The following ZNF462 variants were observed in gnomAD, a reference collection of about 807,000 sequenced individuals.
ZNF462 encodes the protein zinc finger protein 462.
In ZNF462, 10 loss-of-function variants were observed where a neutral mutation model predicts 201.9. That is an observed-to-expected ratio of 0.05 (90% CI 0.03 to 0.08). The LOEUF (loss-of-function observed/expected upper bound fraction) is 0.08, where lower values mean the gene tolerates loss of function less well. Among genes scored for constraint, ZNF462 ranks in the 10% least tolerant of loss-of-function variants. The pLI is 1.00. For missense variants in ZNF462, 2,523 were observed against 3,168.3 expected, an observed-to-expected ratio of 0.80 and a Z score of 4.89; for synonymous variants, 1,227 against 1,193.3, an observed-to-expected ratio of 1.03 and a Z score of -0.58.
Position 106,927,181 on chromosome 9 carries a change from C to T in ZNF462, c.3269C>T (p.Ser1090Phe). The T allele has an allele frequency of 1.2e-6, 2 of 1,613,856 alleles. No individual in the cohort carries two copies. The highest frequency in any genetic ancestry group is 1.7e-6 in the Non-Finnish European group (2 of 1,179,972). The change falls in exon 3 of 13, where the codon TCT becomes TTT. Residue 1090 changes from serine to phenylalanine, a missense_variant. Physicochemically the swap from Ser to Phe is radical, Grantham distance 155. Transcript: ENST00000277225. ...TCATTTGAGGTGGGTGCTCCAATGT[C>T]TCCCAAAATGTCCAACATGGGTTCC... ...QLSFEVGAPM[S>F]PKMSNMGSPP...
At chr9:106,948,596 A>G (rs536234805) in intron 7 of ZNF462, among the ~76,000 whole-genome samples, 134 of 152,222 alleles carry the variant, frequency 8.8e-4, no homozygotes, top group African/African-American at 2.9e-3. Context: ...CTCTATTCAC[A>G]GTTTGTTGAA....
At chr9:106,936,682 TTG>T in intron 6 of ZNF462, among the ~76,000 whole-genome samples, 1 of 152,228 alleles carries the variant, frequency 6.6e-6, no homozygotes, top group East Asian at 1.9e-4. Context: ...GTTTTCTAAC[TTG>T]TGTATATTGT....
chr9:106,893,614 C>T (rs1050379184), intron 1 of ZNF462, among the ~76,000 whole-genome samples: 2 of 152,122 alleles, frequency 1.3e-5, no homozygotes, highest in Admixed American at 6.6e-5. Context: ...ACTAATATGT[C>T]GAAAGCAACA....
intron 1 of ZNF462, among the ~76,000 whole-genome samples, chr9:106,904,324 A>G (rs1453667960): frequency 6.6e-6 from 1 of 152,124 alleles, no homozygotes; most frequent in Non-Finnish European, 1.5e-5. Flanking sequence ...GTTTTCCTTT[A>G]TAGGTTACCT....
rs58112361 is a variant in ZNF462, at chr9:107,010,605, A to C, written c.7314-218A>C. The stretch of plus-strand genomic sequence containing the variant: ...AATAATGGATACTTCTGTAAGTTCA[A>C]ATCTTTAAGATACAGAAATATATGA... On this transcript the variant is annotated intron_variant, in intron 12 of 12. Transcript: ENST00000277225. This position sits in a 1 kb window ranked among gnomAD's most constrained non-coding sequence, Gnocchi z 4.6. Among the ~76,000 whole-genome samples, 1 of 152,130 alleles carries C rather than the reference A, an allele frequency of 6.6e-6. No homozygotes were observed. Among genetic ancestry groups the C allele is most frequent in the Non-Finnish European group, 1.5e-5 (1 of 68,034 alleles).
At chr9:106,898,461 G>GT (rs1057182528) in intron 1 of ZNF462, among the ~76,000 whole-genome samples, 3 of 152,186 alleles carry the variant, frequency 2.0e-5, no homozygotes, top group African/African-American at 7.2e-5. Flanking sequence ...CAGAGAGACA[G>GT]TTGAAGCACT....
At position 106,956,000 on chromosome 9, in the gene ZNF462, C is replaced by T. The variant is rs115407706; in HGVS notation, c.6428-16005C>T. ...CCATGAGAGTTGGAATCAACTTCTT[C>T]GACACTCCTGCTAATGTTGATATTT... On this transcript the variant is annotated intron_variant, in intron 7 of 12. Transcript: ENST00000277225. 1.5e-3 allele frequency among the ~76,000 whole-genome samples: 230 copies of T among 152,198 alleles called. 1 individual carries two copies. Among genetic ancestry groups the T allele is most frequent in the African/African-American group, 4.7e-3 (196 of 41,544 alleles).
At position 106,938,772 on chromosome 9, in the gene ZNF462, G is replaced by T; in HGVS notation, c.6236-144G>T. The T allele has an allele frequency of 1.3e-6, 1 of 760,726 alleles. No homozygotes were observed. Among genetic ancestry groups the T allele is most frequent in the Non-Finnish European group, 2.1e-6 (1 of 487,604 alleles). 47.1% of individuals were successfully genotyped at this position (760,726 alleles called of 1,614,324 possible). On this transcript the variant is annotated intron_variant, in intron 6 of 12. Transcript: ENST00000277225. This position sits in a 1 kb window ranked among gnomAD's most constrained non-coding sequence, Gnocchi z 4.4. ...AGTACTGTGGTTGTGGCAGGTTGTT[G>T]GTCTGTGAGGTTCGTTCATAGAACA...
intron 10 of ZNF462, among the ~76,000 whole-genome samples, chr9:106,985,205 AC>A: frequency 6.6e-6 from 1 of 152,280 alleles, no homozygotes; most frequent in South Asian, 2.1e-4. Flanking sequence ...ACAGTTGCCA[AC>A]CCCTGTTCTG....
chr9:106,921,121 T>C (rs1829972684), intron 1 of ZNF462, among the ~76,000 whole-genome samples: 1 of 152,024 alleles, frequency 6.6e-6, no homozygotes, highest in Admixed American at 6.5e-5. Flanking sequence ...TCGGATGGTA[T>C]GTCTTCTGTG....
Position 106,920,377 on chromosome 9 carries a change from G to A in ZNF462, c.-30-2977G>A, listed in dbSNP as rs755087321. On this transcript the variant is annotated intron_variant, in intron 1 of 12. Transcript: ENST00000277225. The surrounding 1 kb of genome is among the most constrained non-coding windows in gnomAD (Gnocchi z 4.3). ...CAACTTCTATTTTCTTCTTCTGTCA[G>A]CGTCTTCAGGAGAAATGTGTACACA... 1.8e-4 allele frequency among the ~76,000 whole-genome samples: 28 copies of A among 152,130 alleles called. No individual in the cohort carries two copies. Among genetic ancestry groups the A allele is most frequent in the Non-Finnish European group, 2.8e-4 (19 of 68,040 alleles).
chr9:106,892,595 T>C (rs1564080493), intron 1 of ZNF462, among the ~76,000 whole-genome samples: 3 of 152,114 alleles, frequency 2.0e-5, no homozygotes, highest in African/African-American at 7.2e-5. Flanking sequence ...GACAACTGCA[T>C]CAAGTCAGTT....
At chr9:106,940,556 T>C (rs1830823323) in intron 7 of ZNF462, among the ~76,000 whole-genome samples, 1 of 152,188 alleles carries the variant, frequency 6.6e-6, no homozygotes, top group Admixed American at 6.5e-5. Context: ...TTAAAAAATT[T>C]TTGAAGCTTG....
chr9:106,864,039 G>GCTCGCTCTCTCTCT, intron 1 of ZNF462, among the ~76,000 whole-genome samples: 1 of 22,760 alleles, frequency 4.4e-5, no homozygotes, highest in Non-Finnish European at 1.0e-4. Context: ...CAGGTATTTG[G>GCTCGCTCTCTCTCT]CTCTCTCTCT....
intron 7 of ZNF462, among the ~76,000 whole-genome samples, chr9:106,951,348 A>G (rs915045770): frequency 4.6e-5 from 7 of 152,206 alleles, no homozygotes; most frequent in Non-Finnish European, 7.4e-5. Flanking sequence ...TGTGTTGCCA[A>G]GAGCAGAATA....
chr9:106,955,761 CA>C (rs1215123353), intron 7 of ZNF462, among the ~76,000 whole-genome samples: 2 of 152,154 alleles, frequency 1.3e-5, no homozygotes, highest in African/African-American at 4.8e-5. Context: ...ACAGTGTTCG[CA>C]ACATCTTCAT....
intron 1 of ZNF462, among the ~76,000 whole-genome samples, chr9:106,921,879 G>A (rs930322849): frequency 2.0e-5 from 3 of 152,196 alleles, no homozygotes; most frequent in African/African-American, 7.2e-5. Flanking sequence ...AGACTTAGCT[G>A]AAAAGAGTCT....
At position 106,872,729 on chromosome 9, in the gene ZNF462, C is replaced by G. The variant is rs1298932328; in HGVS notation, c.-31+9374C>G. 6.6e-6 allele frequency among the ~76,000 whole-genome samples: 1 copy of G among 152,098 alleles called. No individual in the cohort carries two copies. Among genetic ancestry groups the G allele is most frequent in the African/African-American group, 2.4e-5 (1 of 41,418 alleles). ...CAAGAACTTCCCCCCTTTCTGCTGT[C>G]AATTGAATATTGTCTGTTCTAATAC... On this transcript the variant is annotated intron_variant, in intron 1 of 12. Coordinates refer to ENST00000277225, the MANE Select transcript of ZNF462 (RefSeq NM_021224.6). This position sits in a 1 kb window ranked among gnomAD's most constrained non-coding sequence, Gnocchi z 4.5.
intron 7 of ZNF462, among the ~76,000 whole-genome samples, chr9:106,964,104 G>A (rs1831966815): frequency 6.7e-6 from 1 of 150,190 alleles, no homozygotes; most frequent in Non-Finnish European, 1.5e-5. Flanking sequence ...CTACCTCCTG[G>A]CTATTGTAAC....
Sources: allele counts gnomAD v4.1 joint callset (sites outside exome capture counted in the v4.1 genomes callset), GRCh38; gene constraint gnomAD v4.1.1; non-coding constraint Gnocchi (gnomAD v3.1); transcripts MANE v1.5; gene names NCBI Gene and HGNC (gene_info 2026-07-23, HGNC 2026-07-21).